Variants in ZNF596 observed in about 807,000 individuals in gnomAD.
ZNF596 encodes the protein zinc finger protein 596.
Under a neutral mutation model 48.3 loss-of-function variants are expected in ZNF596, and 45 were observed. That is an observed-to-expected ratio of 0.93 (90% confidence interval 0.73 to 1.19). ZNF596 has a LOEUF of 1.19. ZNF596 is among the 50% of genes most tolerant of loss of function. ZNF596 has a pLI of 0.00. For synonymous variants in ZNF596, 270 were observed against 202.0 expected, an observed-to-expected ratio of 1.34 and a Z score of -2.85; for missense variants, 848 against 599.7, an observed-to-expected ratio of 1.41 and a Z score of -4.32.
rs1584918757 is a variant in ZNF596, at chr8:246,543, T to C, written c.*181T>C. ...TGTTTATGGCACAAACTTCAGACTC[T>C]AGGCTGACCATATACAACGTGAGAG... On this transcript the variant is annotated 3_prime_UTR_variant, in exon 6 of 6. Coordinates refer to ENST00000398612, the MANE Select transcript of ZNF596 (RefSeq NM_001042416.3). 1 of 677,834 alleles carries C rather than the reference T, an allele frequency of 1.5e-6. No individual in the cohort carries two copies. The highest frequency in any genetic ancestry group is 2.3e-6 in the Non-Finnish European group (1 of 430,588). The allele number at this position is 677,834 out of a possible 1,614,324, so 42.0% of individuals were successfully genotyped here. A position where few individuals can be genotyped will look rare whatever the true frequency, so the allele number is the denominator to read the frequency against.
chr8:233,338 A>T (rs1469557015), intron 1 of ZNF596: 1 of 326,264 alleles, frequency 3.1e-6, no homozygotes, highest in African/African-American at 2.2e-5. Flanking sequence ...CTGATTTCCA[A>T]ATTAGTTTCC....
chr8:244,516 T>G (rs570091001), intron 4 of ZNF596, 103 bp from the exon 5 acceptor site: 7 of 748,632 alleles, frequency 9.4e-6, no homozygotes, highest in African/African-American at 1.8e-5. Context: ...ATTCTTTCCC[T>G]GTCTGTGTGT....
At chr8:232,945 C>T (rs1796473177) in intron 1 of ZNF596, 5 of 469,032 alleles carry the variant, frequency 1.1e-5, no homozygotes, top group South Asian at 6.2e-5. Flanking sequence ...GCACAATCGC[C>T]TCCCACTAGC....
In ZNF596 at chr8:246,855, G is replaced by A. The variant is rs1797110404; in HGVS notation, c.*493G>A. 6.5e-6 allele frequency: 1 copy of A among 154,798 alleles called. No homozygotes were observed. Among genetic ancestry groups the A allele is most frequent in the South Asian group, 2.0e-4 (1 of 5,024 alleles). 9.6% of individuals were successfully genotyped at this position (154,798 alleles called of 1,614,324 possible). A position where few individuals can be genotyped will look rare whatever the true frequency, so the allele number is the denominator to read the frequency against. On this transcript the variant is annotated 3_prime_UTR_variant, in exon 6 of 6. Coordinates refer to ENST00000398612, the MANE Select transcript of ZNF596 (RefSeq NM_001042416.3). ...AATATGTGAAAATATTTTTTATTAG[G>A]TGGATGAGGCCTCTTGAACAATTCC...
In ZNF596 at chr8:244,705, A is replaced by G; in HGVS notation, c.306+4A>G. 2 of 1,607,494 alleles carry G rather than the reference A, an allele frequency of 1.2e-6. No individual in the cohort carries two copies. Among genetic ancestry groups the G allele is most frequent in the Non-Finnish European group, 8.5e-7 (1 of 1,176,762 alleles). On this transcript the variant is annotated splice_donor_region_variant and intron_variant, in intron 5 of 5. Transcript: ENST00000398612. Reference sequence around the variant, plus strand: ...CACGTCCACCATCAGCACAATGGTAAGCTTTATGGATGCAAACCCTGTTCT... The same window carrying G: ...CACGTCCACCATCAGCACAATGGTAGGCTTTATGGATGCAAACCCTGTTCT...
intron 2 of ZNF596, among the ~76,000 whole-genome samples, chr8:242,061 G>C (rs1015893971): frequency 6.6e-6 from 1 of 152,148 alleles, no homozygotes; most frequent in African/African-American, 2.4e-5. Flanking sequence ...TACAATTCAA[G>C]ATGAGATTTG....
Position 245,789 on chromosome 8 carries a change from G to T in ZNF596, c.942G>T (p.Lys314Asn). Residue 314 changes from lysine (K) to asparagine (N), a missense_variant, in exon 6 of 6, where the codon AAG becomes AAT. Physicochemically the swap from Lys to Asn is moderately conservative, Grantham distance 94 (BLOSUM62 0). Transcript: ENST00000398612. ...DKPYGCLLCG[K>N]AFSKCSYLRQ... ...CATATGGATGTCTCCTATGTGGGAA[G>T]GCTTTCAGTAAATGTTCTTACCTTA... The T allele has an allele frequency of 1.2e-6, 2 of 1,613,412 alleles. No individual in the cohort carries two copies. The highest frequency in any genetic ancestry group is 1.7e-6 in the Non-Finnish European group (2 of 1,179,882).
Position 244,671 on chromosome 8 carries a change from T to A in ZNF596, c.276T>A (p.Tyr92Ter), listed in dbSNP as rs1309499062. 1.9e-6 allele frequency: 3 copies of A among 1,613,520 alleles called. No homozygotes were observed. Among genetic ancestry groups the A allele is most frequent in the Non-Finnish European group, 2.5e-6 (3 of 1,179,788 alleles). Residue 92 changes from tyrosine to a stop codon, truncating the protein, a stop_gained, in exon 5 of 6, where the codon TAT becomes TAA. Coordinates refer to ENST00000398612, the MANE Select transcript of ZNF596 (RefSeq NM_001042416.3). LOFTEE classifies it high-confidence loss of function. ...HQEIPFIQHI[Y>*]QKGTSTISTM... ...AGATACCATTCATTCAACATATCTA[T>A]CAGAAGGGCACGTCCACCATCAGCA...
At chr8:243,104 T>C (rs771608789) in intron 3 of ZNF596, 91 bp downstream of exon 3, 12 of 1,216,212 alleles carry the variant, frequency 9.9e-6, no homozygotes, top group Non-Finnish European at 1.3e-5. Flanking sequence ...TACACGTGCT[T>C]AGAACAGCTT....
chr8:243,123 A>G, intron 3 of ZNF596, 110 bp downstream of exon 3: 1 of 979,928 alleles, frequency 1.0e-6, no homozygotes, highest in Non-Finnish European at 1.4e-6. Context: ...TTTCTCATCT[A>G]TCACTTCAAC....
In ZNF596 at chr8:246,465, C is replaced by G; in HGVS notation, c.*103C>G. ...TGGAAAAGCCTTTATTTATATTTAC[C>G]ACTTTGCTCAACCTAAATGAATTCA... On this transcript the variant is annotated 3_prime_UTR_variant, in exon 6 of 6. Transcript: ENST00000398612. 1 of 1,423,244 alleles carries G rather than the reference C, an allele frequency of 7.0e-7. No individual in the cohort carries two copies. 88.2% of individuals were successfully genotyped at this position (1,423,244 alleles called of 1,614,324 possible).
At position 246,664 on chromosome 8, in the gene ZNF596, C is replaced by T. The variant is rs1797103368; in HGVS notation, c.*302C>T. On this transcript the variant is annotated 3_prime_UTR_variant, in exon 6 of 6. Coordinates refer to ENST00000398612, the MANE Select transcript of ZNF596 (RefSeq NM_001042416.3). Reference sequence around the variant, plus strand: ...CACATCACGAAAATTCTGTGCCTGTCGTCAGTGTGAAAATGCCTTTGCTGA... The same window carrying T: ...CACATCACGAAAATTCTGTGCCTGTTGTCAGTGTGAAAATGCCTTTGCTGA... 3 of 263,388 alleles carry T rather than the reference C, an allele frequency of 1.1e-5. No individual in the cohort carries two copies. The highest frequency in any genetic ancestry group is 1.4e-5 in the Non-Finnish European group (2 of 139,390). 16.3% of individuals were successfully genotyped at this position (263,388 alleles called of 1,614,324 possible).
rs554266187 is a variant in ZNF596, at chr8:238,369, C to T, written c.-72-2455C>T. 3.9e-5 allele frequency among the ~76,000 whole-genome samples: 6 copies of T among 152,020 alleles called. No homozygotes were observed. The South Asian group carries it at 1.0e-3, about 26-fold the overall frequency. On this transcript the variant is annotated intron_variant, in intron 1 of 5. Coordinates refer to ENST00000398612, the MANE Select transcript of ZNF596 (RefSeq NM_001042416.3). ...CGTGTCCCAGGCTATCAGAGCACAGCTCTAAGGAAAAATACAGGGCATCGT... is the reference window on the plus strand; with the variant it reads ...CGTGTCCCAGGCTATCAGAGCACAGTTCTAAGGAAAAATACAGGGCATCGT...
chr8:243,154 A>G (rs1158704105), intron 3 of ZNF596, 141 bp downstream of exon 3: 1 of 643,352 alleles, frequency 1.6e-6, no homozygotes, highest in Non-Finnish European at 2.3e-6. Flanking sequence ...ATCCTTTCAT[A>G]ACTCTCACAA....
intron 1 of ZNF596, among the ~76,000 whole-genome samples, chr8:236,038 C>T (rs1338331026): frequency 6.6e-6 from 1 of 152,138 alleles, no homozygotes; most frequent in African/African-American, 2.4e-5. Flanking sequence ...AGTCTACAGT[C>T]ACTGAGGTTT....
intron 1 of ZNF596, 95 bp downstream of exon 1, chr8:232,789 T>G: frequency 9.2e-6 from 4 of 432,540 alleles, no homozygotes. Flanking sequence ...ACGCCAGTCC[T>G]CCCTGAGATG....
intron 2 of ZNF596, among the ~76,000 whole-genome samples, chr8:241,753 T>C (rs1219193189): frequency 6.6e-6 from 1 of 152,150 alleles, no homozygotes; most frequent in African/African-American, 2.4e-5. Context: ...TTCACACCGC[T>C]ATAAAAAACT....
chr8:241,076 G>A (rs10488369), intron 2 of ZNF596, among the ~76,000 whole-genome samples, 169 bp downstream of exon 2: 7,246 of 152,270 alleles, frequency 0.048, 236 homozygotes, highest in Non-Finnish European at 0.065. Flanking sequence ...TCATCAAGAA[G>A]TAATGTCCTT....
rs907508298 is a variant in ZNF596 at position 240,768 on chromosome 8, T to C, written c.-72-56T>C. Reference sequence around the variant, plus strand: ...GGGCTAATAGCTTTGGGGCAGATGTTAGAAGCAAAACTGGAGTGTCATGGT... The same window carrying C: ...GGGCTAATAGCTTTGGGGCAGATGTCAGAAGCAAAACTGGAGTGTCATGGT... On this transcript the variant is annotated intron_variant, in intron 1 of 5. Coordinates refer to ENST00000398612, the MANE Select transcript of ZNF596 (RefSeq NM_001042416.3). The C allele has an allele frequency of 6.7e-6, 8 of 1,197,646 alleles. No individual in the cohort carries two copies. In the African/African-American group the frequency reaches 1.2e-4, roughly 18 times the overall value. 74.2% of individuals were successfully genotyped at this position (1,197,646 alleles called of 1,614,324 possible). A position where few individuals can be genotyped will look rare whatever the true frequency, so the allele number is the denominator to read the frequency against.
Sources: allele counts gnomAD v4.1 joint callset (sites outside exome capture counted in the v4.1 genomes callset), GRCh38; gene constraint gnomAD v4.1.1; transcripts MANE v1.5; gene names NCBI Gene and HGNC (gene_info 2026-07-23, HGNC 2026-07-21).